The following INSRR variants were observed in gnomAD, a reference collection of about 807,000 sequenced individuals.
INSRR encodes insulin receptor-related protein.
In INSRR, 114 loss-of-function variants were observed where a neutral mutation model predicts 130.0. That is an observed-to-expected ratio of 0.88 (90% CI 0.75 to 1.02). The LOEUF is 1.02. Among genes scored for constraint, INSRR ranks in the 50% least tolerant of loss-of-function variants. The pLI is 0.00. For missense variants in INSRR, 1,657 were observed against 1,735.2 expected (o/e 0.95, Z 0.80); for synonymous variants, 674 against 705.2 (o/e 0.96, Z 0.70).
rs1655494640 is a variant in INSRR at position 156,858,577 on chromosome 1, C to G, written c.45G>C (p.Val15=). The G allele has an allele frequency of 6.2e-7, 1 of 1,614,086 alleles. No individual in the cohort carries two copies. The change falls in exon 1 of 22, where the codon GTG becomes GTC. Residue 15 remains valine (V), a synonymous_variant. Transcript: ENST00000368195. ...GGCCAAATCCCAAGGAGAGGAAGAT[C>G]ACAGGCAGGCATGCTCCCCAGGGCC... ...SLWPWGACLP[V]IFLSLGFGLD...
At position 156,851,932 on chromosome 1, in the gene INSRR, A is replaced by T. The variant is rs765910825; in HGVS notation, c.897T>A (p.Ser299Arg). 6.2e-7 allele frequency: 1 copy of T among 1,600,086 alleles called. No individual in the cohort carries two copies. The highest frequency in any genetic ancestry group is 1.1e-5 in the South Asian group (1 of 90,226). Residue 299 changes from serine to arginine, a missense_variant, in exon 3 of 22, where the codon AGT becomes AGA. By Grantham distance (110) the Ser-to-Arg change is moderately radical. Transcript: ENST00000368195. ...AGCCAGAAGGGCACTGGGCCAGGCAACTGCCCTGGTGTATGCCGAAGGTGG... is the reference window on the plus strand; with the variant it reads ...AGCCAGAAGGGCACTGGGCCAGGCATCTGCCCTGGTGTATGCCGAAGGTGG... ...RASTFGIHQG[S>R]CLAQCPSGFT... is the part of the protein sequence containing the mutation.
chr1:156,845,868 TC>T (rs879929233), intron 9 of INSRR, 54 bp from the exon 10 acceptor site: 10 of 1,598,400 alleles, frequency 6.3e-6, no homozygotes, highest in Non-Finnish European at 8.5e-6. Context: ...CCGCCTCTGA[TC>T]CCCCCCACCT....
At chr1:156,858,411 G>T in intron 1 of INSRR, 126 bp downstream of exon 1, 1 of 742,394 alleles carries the variant, frequency 1.3e-6, no homozygotes. Context: ...TCTCCTGAGC[G>T]CTAACCCCAA....
In INSRR at chr1:156,843,451, G is replaced by C; in HGVS notation, c.2872C>G (p.Pro958Ala). The C allele has an allele frequency of 3.7e-6, 6 of 1,614,234 alleles. No individual in the cohort carries two copies. Among genetic ancestry groups the C allele is most frequent in the Non-Finnish European group, 4.2e-6 (5 of 1,180,048 alleles). ...RNRTLYASVNPEYFSASDMYV... is the reference protein window; with the variant it reads ...RNRTLYASVNAEYFSASDMYV... ...CTATCAGAGGCGCTGAAGTACTCTG[G>C]ATTCACAGAAGCATACAGGGTTCTG... Residue 958 changes from proline to alanine, a missense_variant, in exon 16 of 22, where the codon CCA becomes GCA. Pro to Ala is a conservative substitution (Grantham distance 27). Coordinates refer to ENST00000368195, the MANE Select transcript of INSRR (RefSeq NM_014215.3).
Position 156,854,275 on chromosome 1 carries a change from C to T in INSRR, c.114G>A (p.Glu38=). 1.2e-6 allele frequency: 2 copies of T among 1,612,816 alleles called. No homozygotes were observed. The highest frequency in any genetic ancestry group is 1.7e-6 in the Non-Finnish European group (2 of 1,179,616). The change falls in exon 2 of 22, where the codon GAG becomes GAA. Residue 38 remains glutamate, a synonymous_variant. Transcript: ENST00000368195. This position sits in a 1 kb window ranked among gnomAD's most constrained non-coding sequence, Gnocchi z 4.2. ...EVCPSLDIRS[E]VAELRQLENC... is the part of the protein sequence containing the mutation. ...TCTCCAGCTGACGAAGCTCTGCCAC[C>T]TCTGAGCGAATATCCAGGCTGGGGC... is the stretch of plus-strand genomic sequence containing the variant.
chr1:156,852,128 A>G lies in INSRR; in HGVS notation c.701T>C (p.Leu234Pro). 6.2e-7 allele frequency: 1 copy of G among 1,613,302 alleles called. No homozygotes were observed. The highest frequency in any genetic ancestry group is 8.5e-7 in the Non-Finnish European group (1 of 1,179,790). The change falls in exon 3 of 22, where the codon CTG becomes CCG. Residue 234 changes from leucine (L) to proline (P), a missense_variant. By Grantham distance (98) the Leu-to-Pro change is moderately conservative (BLOSUM62 -3). Coordinates refer to ENST00000368195, the MANE Select transcript of INSRR (RefSeq NM_014215.3). The stretch of plus-strand genomic sequence containing the variant: ...GTCTTCTGGCTGGCTGCAGCCCCCC[A>G]GGCATTCGGTGTGGCAGCACTCGCC... ...ARGECCHTECLGGCSQPEDPR... is the reference protein window; with the variant it reads ...ARGECCHTECPGGCSQPEDPR...
chr1:156,849,147 G>A, intron 6 of INSRR, 99 bp downstream of exon 6: 16 of 1,598,720 alleles, frequency 1.0e-5, no homozygotes, highest in Non-Finnish European at 1.4e-5. Flanking sequence ...CCTCTGAGGA[G>A]AACTTCTCAG....
Position 156,844,427 on chromosome 1 carries a change from C to T in INSRR, c.2737+35G>A, listed in dbSNP as rs138044856. On this transcript the variant is annotated intron_variant, in intron 14 of 21. Transcript: ENST00000368195. ...GGGCTGGGGACCAGGTAGGGCTGTT[C>T]GGTGATACAGGTCTGTGACAGAGGC... 2,200 of 1,601,356 alleles carry T rather than the reference C, an allele frequency of 1.4e-3. 23 individuals carry two copies. In the African/African-American group the frequency reaches 0.026, roughly 19 times the overall value.
intron 6 of INSRR, 42 bp from the exon 7 acceptor site, chr1:156,849,089 C>CT: frequency 6.2e-7 from 1 of 1,602,892 alleles, no homozygotes; most frequent in Non-Finnish European, 8.5e-7. Context: ...CGCCTGCCAG[C>CT]TGCTTGAGCG....
chr1:156,842,069 T>TGC lies in INSRR; in HGVS notation c.3397+42_3397+43insGC, dbSNP rs1260292262. ...CTGATGCCTAGCTTAAGGGAGTCTC[T>TGC]CTACTTTTCAGGCCGCCCTCATCTG... On this transcript the variant is annotated intron_variant, in intron 19 of 21. Coordinates refer to ENST00000368195, the MANE Select transcript of INSRR (RefSeq NM_014215.3). The TGC allele has an allele frequency of 2.5e-6, 4 of 1,611,540 alleles. No homozygotes were observed. In the Admixed American group the frequency reaches 6.7e-5, roughly 27 times the overall value.
chr1:156,851,091 A>G lies in INSRR; in HGVS notation c.1229+199T>C, dbSNP rs535046779. On this transcript the variant is annotated intron_variant, in intron 5 of 21. Coordinates refer to ENST00000368195, the MANE Select transcript of INSRR (RefSeq NM_014215.3). ...TAACAACTTGAGTAATATTCAAAACAGTCCTGAGAAGTAAGTAATGTTATA... is the reference window on the plus strand; with the variant it reads ...TAACAACTTGAGTAATATTCAAAACGGTCCTGAGAAGTAAGTAATGTTATA... 2.7e-4 allele frequency: 182 copies of G among 671,352 alleles called. 1 individual carries two copies. Among genetic ancestry groups the G allele is most frequent in the South Asian group, 8.3e-4 (49 of 58,798 alleles). 41.6% of individuals were successfully genotyped at this position (671,352 alleles called of 1,614,324 possible). A position where few individuals can be genotyped will look rare whatever the true frequency, so the allele number is the denominator to read the frequency against.
Position 156,858,473 on chromosome 1 carries a change from T to G in INSRR, c.85+64A>C, listed in dbSNP as rs376192941. On this transcript the variant is annotated intron_variant, in intron 1 of 21. Coordinates refer to ENST00000368195, the MANE Select transcript of INSRR (RefSeq NM_014215.3). ...GGAGGTGCTGTGGCTGCAAGCTCAG[T>G]TTTTTGGCCTCCCAGCTGGCTGGGA... 221 of 1,289,920 alleles carry G rather than the reference T, an allele frequency of 1.7e-4. No homozygotes were observed. In the African/African-American group the frequency reaches 2.9e-3, roughly 17 times the overall value. 79.9% of individuals were successfully genotyped at this position (1,289,920 alleles called of 1,614,324 possible).
chr1:156,841,927 G>T, intron 19 of INSRR, 133 bp from the exon 20 acceptor site: 1 of 1,557,640 alleles, frequency 6.4e-7, no homozygotes. Context: ...GGGGCTCAAT[G>T]GACCTCAGAA....
At chr1:156,845,541 A>ACCCC in intron 10 of INSRR, 78 bp downstream of exon 10, 2 of 1,288,360 alleles carry the variant, frequency 1.6e-6, no homozygotes, top group Non-Finnish European at 2.1e-6. Context: ...CCACCCACAA[A>ACCCC]CCCCACCCCT....
rs1032216755 is a variant in INSRR at position 156,854,418 on chromosome 1, G to A, written c.86-115C>T. 11 of 1,136,428 alleles carry A rather than the reference G, an allele frequency of 9.7e-6. No individual in the cohort carries two copies. The Admixed American group carries it at 2.7e-4, about 28-fold the overall frequency. The allele number at this position is 1,136,428 out of a possible 1,614,324, so 70.4% of individuals were successfully genotyped here. On this transcript the variant is annotated intron_variant, in intron 1 of 21. Transcript: ENST00000368195. This position sits in a 1 kb window ranked among gnomAD's most constrained non-coding sequence, Gnocchi z 4.2. ...CAGTAGGACAATGAGTGAGGAGCCG[G>A]GCTCTGCTCTGGGTGTGGGGTGGCC...
intron 19 of INSRR, 26 bp downstream of exon 19, chr1:156,842,086 C>T: frequency 6.2e-7 from 1 of 1,613,518 alleles, no homozygotes; most frequent in Non-Finnish European, 8.5e-7. Context: ...TTCAGGCCGC[C>T]CTCATCTGCC....
chr1:156,843,264 GA>G, intron 16 of INSRR, 31 bp from the exon 17 acceptor site: 1 of 1,603,626 alleles, frequency 6.2e-7, no homozygotes. Flanking sequence ...ACAAAGCGAG[GA>G]TGCTGCTCTC....
intron 12 of INSRR, 63 bp downstream of exon 12, chr1:156,845,013 A>ACC: frequency 6.5e-7 from 1 of 1,547,842 alleles, no homozygotes; most frequent in Non-Finnish European, 8.8e-7. Flanking sequence ...CAAACCCCAA[A>ACC]CCTTTGCACA....
Position 156,853,804 on chromosome 1 carries a change from G to T in INSRR, c.585C>A (p.Thr195=), listed in dbSNP as rs371338016. 141 of 1,611,864 alleles carry T rather than the reference G, an allele frequency of 8.7e-5. No individual in the cohort carries two copies. Among genetic ancestry groups the T allele is most frequent in the Non-Finnish European group, 1.2e-4 (137 of 1,178,464 alleles). Residue 195 remains threonine (T), a synonymous_variant, in exon 2 of 22, where the codon ACC becomes ACA. Transcript: ENST00000368195. ...ATCTGTAGTCAGTGTGCCCGCTGAA[G>T]GTGGTCTTGGCACAGGGCTCACCAG... The part of the protein sequence containing the change: ...GAAGEPCAKT[T]FSGHTDYRCW...
Sources: gnomAD v4.1 joint callset for allele counts on GRCh38, gnomAD v4.1.1 for gene constraint, Gnocchi (gnomAD v3.1) non-coding constraint, MANE v1.5 for transcripts, NCBI Gene and HGNC (gene_info 2026-07-23, HGNC 2026-07-21) for gene names.